The following PLEKHG2 variants were observed in gnomAD, a reference collection of about 807,000 sequenced individuals.
PLEKHG2 encodes pleckstrin homology domain-containing family G member 2.
PLEKHG2 carries 71 observed loss-of-function variants against 104.4 expected under a neutral mutation model. The observed-to-expected ratio is 0.68, with a 90% confidence interval of 0.56 to 0.83. PLEKHG2 has a LOEUF of 0.83. Ranked by LOEUF, PLEKHG2 falls within the 40% of genes least tolerant of loss-of-function variation. The pLI is 0.00. For synonymous variants in PLEKHG2, 728 were observed against 737.0 expected, an observed-to-expected ratio of 0.99 and a Z score of 0.20; for missense variants, 1,730 against 1,809.4, an observed-to-expected ratio of 0.96 and a Z score of 0.80.
chr19:39,420,584 C>CG, intron 11 of PLEKHG2, 42 bp from the exon 12 acceptor site: 7 of 1,613,816 alleles, frequency 4.3e-6, no homozygotes, highest in Non-Finnish European at 5.9e-6. Flanking sequence ...CTGTGGTACT[C>CG]CAAGATCGAC....
At chr19:39,418,654 C>A in intron 9 of PLEKHG2, 80 bp from the exon 10 acceptor site, 1 of 1,145,626 alleles carries the variant, frequency 8.7e-7, no homozygotes, top group Non-Finnish European at 1.3e-6. Flanking sequence ...GACCCAGATA[C>A]ACCTCCAAGG....
chr19:39,424,719 C>A lies in PLEKHG2; in HGVS notation c.3586C>A (p.Pro1196Thr), dbSNP rs1469510981. 3 of 1,614,082 alleles carry A rather than the reference C, an allele frequency of 1.9e-6. No individual in the cohort carries two copies. Reference protein sequence around the residue: ...LTDTQVQKLTPSLEQKSLIDA... With the variant: ...LTDTQVQKLTTSLEQKSLIDA... Reference sequence around the variant, plus strand: ...AGATACACAGGTCCAAAAACTCACACCTTCGTTGGAGCAGAAGAGCCTCAT... The same window carrying A: ...AGATACACAGGTCCAAAAACTCACAACTTCGTTGGAGCAGAAGAGCCTCAT... Residue 1196 changes from proline (P) to threonine (T), a missense_variant, in exon 19 of 19, where the codon CCT becomes ACT. By Grantham distance (38) the Pro-to-Thr change is conservative. Coordinates refer to ENST00000425673, the MANE Select transcript of PLEKHG2 (RefSeq NM_022835.3).
rs540027705 is a variant in PLEKHG2, at chr19:39,422,181, C to A, written c.1570C>A (p.Pro524Thr). 5.6e-6 allele frequency: 9 copies of A among 1,613,942 alleles called. No individual in the cohort carries two copies. Among genetic ancestry groups the A allele is most frequent in the Middle Eastern group, 1.6e-4 (1 of 6,062 alleles). ...GCCACCAGTTTCAGGCTCTGCACCC[C>A]CTGAGGACCTGGAGGATGCTGGACC... ...SQPPVSGSAP[P>T]EDLEDAGPPT... Residue 524 changes from proline to threonine, a missense_variant, in exon 17 of 19, where the codon CCT (proline) becomes ACT (threonine). Coordinates refer to ENST00000425673, the MANE Select transcript of PLEKHG2 (RefSeq NM_022835.3).
Position 39,425,117 on chromosome 19 carries a change from C to T in PLEKHG2, c.3984C>T (p.Pro1328=), listed in dbSNP as rs749121708. 1.1e-5 allele frequency: 17 copies of T among 1,587,612 alleles called. No homozygotes were observed. Among genetic ancestry groups the T allele is most frequent in the African/African-American group, 5.4e-5 (4 of 74,024 alleles). ...SPPPQPQPPP[P]PARRLSYATT... ...CCCCCCAGCCCCAGCCACCACCTCC[C>T]CCAGCCAGGCGGCTCAGCTATGCCA... Residue 1328 remains proline, a synonymous_variant, in exon 19 of 19, where the codon CCC becomes CCT. Transcript: ENST00000425673.
In PLEKHG2 at chr19:39,417,942, AG is replaced by A; in HGVS notation, c.921del (p.Glu307AspfsTer59). 1.3e-6 allele frequency: 2 copies of A among 1,543,582 alleles called. No homozygotes were observed. Among genetic ancestry groups the A allele is most frequent in the Non-Finnish European group, 1.7e-6 (2 of 1,145,628 alleles). The stretch of plus-strand genomic sequence containing the variant: ...CGGCTGGGTGGCTGGACCGGACCAG[AG>A]CTCAGTGCTTTTGGGGAACTGGTGT... ...QRRLGGWTGP[E>X]LSAFGELVLE... is the part of the protein sequence containing the mutation. On this transcript the variant is annotated frameshift_variant, in exon 9 of 19. Transcript: ENST00000425673. LOFTEE classifies it high-confidence loss of function.
In PLEKHG2 at chr19:39,415,014, C is replaced by A; in HGVS notation, c.132C>A (p.Ala44=). The A allele has an allele frequency of 6.3e-7, 1 of 1,597,010 alleles. No individual in the cohort carries two copies. The highest frequency in any genetic ancestry group is 2.3e-5 in the East Asian group (1 of 44,190). The change falls in exon 3 of 19, where the codon GCC becomes GCA. Residue 44 remains alanine (A), a synonymous_variant. Coordinates refer to ENST00000425673, the MANE Select transcript of PLEKHG2 (RefSeq NM_022835.3). The surrounding 1 kb of genome is among the most constrained non-coding windows in gnomAD (Gnocchi z 4.6). ...CAGCTCCTGCAGCCCCCACCATGGC[C>A]TCCCCCCGAGGTTCTGGGAGCTCCA... ...TRTAPAAPTM[A]SPRGSGSSTS...
Position 39,425,143 on chromosome 19 carries a change from C to G in PLEKHG2, c.4010C>G (p.Thr1337Arg), listed in dbSNP as rs965020007. 6.3e-6 allele frequency: 10 copies of G among 1,590,194 alleles called. No individual in the cohort carries two copies. Among genetic ancestry groups the G allele is most frequent in the African/African-American group, 1.4e-5 (1 of 73,992 alleles). Residue 1337 changes from threonine to arginine, a missense_variant, in exon 19 of 19, where the codon ACG becomes AGG. Coordinates refer to ENST00000425673, the MANE Select transcript of PLEKHG2 (RefSeq NM_022835.3). ...PPPARRLSYA[T>R]TVNIHVGGGG... ...CCAGCCAGGCGGCTCAGCTATGCCA[C>G]GACGGTTAACATCCACGTGGGCGGG...
Position 39,417,004 on chromosome 19 carries a change from A to C in PLEKHG2, c.744+4A>C. The C allele has an allele frequency of 6.3e-7, 1 of 1,595,884 alleles. No individual in the cohort carries two copies. The highest frequency in any genetic ancestry group is 8.6e-7 in the Non-Finnish European group (1 of 1,168,660). Reference sequence around the variant, plus strand: ...CAAGTACCATCTGCTGCTGCAGGTCAGCTGGGGCCCCTGGAGCCAGGCTGG... The same window carrying C: ...CAAGTACCATCTGCTGCTGCAGGTCCGCTGGGGCCCCTGGAGCCAGGCTGG... On this transcript the variant is annotated splice_donor_region_variant and intron_variant, in intron 7 of 18. Transcript: ENST00000425673.
At position 39,422,890 on chromosome 19, in the gene PLEKHG2, C is replaced by G. The variant is rs1035444387; in HGVS notation, c.1836C>G (p.Leu612=). The change falls in exon 18 of 19, where the codon CTC becomes CTG. Residue 612 remains leucine (L), a synonymous_variant. Transcript: ENST00000425673. The part of the protein sequence containing the change: ...LEMDERGPSP[L]HVLEGLESSI... Reference sequence around the variant, plus strand: ...TGGATGAACGGGGGCCTTCCCCACTCCACGTCCTGGAAGGGCTCGAAAGTT... The same window carrying G: ...TGGATGAACGGGGGCCTTCCCCACTGCACGTCCTGGAAGGGCTCGAAAGTT... 7.5e-6 allele frequency: 12 copies of G among 1,593,358 alleles called. No homozygotes were observed. Among genetic ancestry groups the G allele is most frequent in the Non-Finnish European group, 8.6e-6 (10 of 1,168,244 alleles).
Position 39,416,466 on chromosome 19 carries a change from G to C in PLEKHG2, c.546+52G>C, listed in dbSNP as rs997195043. On this transcript the variant is annotated intron_variant, in intron 5 of 18. Transcript: ENST00000425673. The surrounding 1 kb of genome is among the most constrained non-coding windows in gnomAD (Gnocchi z 4.5). ...GTCCTGGATGGGGCCTTTGTAGAGGGGGGAGAGCAGGCTTGGGCTAGGCTG... is the reference window on the plus strand; with the variant it reads ...GTCCTGGATGGGGCCTTTGTAGAGGCGGGAGAGCAGGCTTGGGCTAGGCTG... 1.2e-6 allele frequency: 2 copies of C among 1,610,720 alleles called. No homozygotes were observed. The highest frequency in any genetic ancestry group is 1.3e-5 in the African/African-American group (1 of 74,892).
Position 39,416,302 on chromosome 19 carries a change from GGGT to G in PLEKHG2, c.480-45_480-43del. On this transcript the variant is annotated intron_variant, in intron 4 of 18. Coordinates refer to ENST00000425673, the MANE Select transcript of PLEKHG2 (RefSeq NM_022835.3). The surrounding 1 kb of genome is among the most constrained non-coding windows in gnomAD (Gnocchi z 4.5). ...AGCCTCCTGGAGGCCTCCCATGGAGGGGTCGTGAAGGCAGGCGGTTCCTCACCC... is the reference window on the plus strand; with the variant it reads ...AGCCTCCTGGAGGCCTCCCATGGAGGCGTGAAGGCAGGCGGTTCCTCACCC... 6.2e-7 allele frequency: 1 copy of G among 1,601,236 alleles called. No individual in the cohort carries two copies. The highest frequency in any genetic ancestry group is 8.5e-7 in the Non-Finnish European group (1 of 1,170,758).
Position 39,427,550 on chromosome 19 carries a change from G to C in PLEKHG2, c.*2256G>C, listed in dbSNP as rs1454666460. The C allele has an allele frequency of 6.6e-6, 1 of 150,978 alleles. No homozygotes were observed. Among genetic ancestry groups the C allele is most frequent in the East Asian group, 2.0e-4 (1 of 5,098 alleles). The allele number at this position is 150,978 out of a possible 1,614,324, so 9.4% of individuals were successfully genotyped here. A position where few individuals can be genotyped will look rare whatever the true frequency, so the allele number is the denominator to read the frequency against. The stretch of plus-strand genomic sequence containing the variant: ...ATATTGGCCAGGCCATAGTGGTCTT[G>C]GACTCCTGACCTCAGGTGATCCGCC... On this transcript the variant is annotated 3_prime_UTR_variant, in exon 19 of 19. Transcript: ENST00000425673.
Position 39,416,490 on chromosome 19 carries a change from T to A in PLEKHG2, c.547-61T>A. The A allele has an allele frequency of 6.4e-7, 1 of 1,564,168 alleles. No homozygotes were observed. The highest frequency in any genetic ancestry group is 8.8e-7 in the Non-Finnish European group (1 of 1,139,394). The stretch of plus-strand genomic sequence containing the variant: ...GGGGGAGAGCAGGCTTGGGCTAGGC[T>A]GGAAGGGGGGTCGTGGGAAGCCAGG... On this transcript the variant is annotated intron_variant, in intron 5 of 18. Coordinates refer to ENST00000425673, the MANE Select transcript of PLEKHG2 (RefSeq NM_022835.3). This position sits in a 1 kb window ranked among gnomAD's most constrained non-coding sequence, Gnocchi z 4.5.
In PLEKHG2 at chr19:39,422,231, C is replaced by G. The variant is rs2078709881; in HGVS notation, c.1620C>G (p.Thr540=). 1.9e-6 allele frequency: 3 copies of G among 1,613,880 alleles called. No individual in the cohort carries two copies. The East Asian group carries it at 6.7e-5, about 36-fold the overall frequency. The stretch of plus-strand genomic sequence containing the variant: ...CCCCAACACTGGACCCCTCTGGGAC[C>G]TCAATCACTGAAGAAATCCTGGAAC... ...AGPPTLDPSG[T]SITEEILELL... The change falls in exon 17 of 19, where the codon ACC becomes ACG. Residue 540 remains threonine, a synonymous_variant. Transcript: ENST00000425673.
At position 39,424,738 on chromosome 19, in the gene PLEKHG2, G is replaced by A; in HGVS notation, c.3605G>A (p.Ser1202Asn). Residue 1202 changes from serine to asparagine, a missense_variant, in exon 19 of 19, where the codon AGC (serine) becomes AAC (asparagine). Physicochemically the swap from Ser to Asn is conservative, Grantham distance 46. Coordinates refer to ENST00000425673, the MANE Select transcript of PLEKHG2 (RefSeq NM_022835.3). ...CTCACACCTTCGTTGGAGCAGAAGA[G>A]CCTCATAGATGCCCATGTTCCAGCT... ...QKLTPSLEQK[S>N]LIDAHVPAAT... is the part of the protein sequence containing the mutation. The A allele has an allele frequency of 1.2e-6, 2 of 1,614,192 alleles. No individual in the cohort carries two copies. The highest frequency in any genetic ancestry group is 2.2e-5 in the East Asian group (1 of 44,888).
chr19:39,420,118 G>A (rs535348957), intron 11 of PLEKHG2, among the ~76,000 whole-genome samples: 9 of 152,200 alleles, frequency 5.9e-5, no homozygotes, highest in African/African-American at 9.6e-5. Flanking sequence ...CCAGCACTTC[G>A]GGAGGCCAAG....
chr19:39,413,444 T>C lies in PLEKHG2; in HGVS notation c.-23+32T>C, dbSNP rs1195734119. 1.6e-5 allele frequency: 2 copies of C among 123,408 alleles called. No individual in the cohort carries two copies. The highest frequency in any genetic ancestry group is 3.1e-5 in the African/African-American group (1 of 32,208). The allele number at this position is 123,408 out of a possible 1,614,324, so 7.6% of individuals were successfully genotyped here. A position where few individuals can be genotyped will look rare whatever the true frequency, so the allele number is the denominator to read the frequency against. On this transcript the variant is annotated intron_variant, in intron 1 of 18. Transcript: ENST00000425673. This position sits in a 1 kb window ranked among gnomAD's most constrained non-coding sequence, Gnocchi z 4.5. ...GGGGAGGCGAGGGGCCCAGGCGGAC[T>C]GGGGGAGGGGGCGGCGCCACTGCTG...
chr19:39,422,752 C>T lies in PLEKHG2; in HGVS notation c.1698C>T (p.Pro566=). 6.6e-7 allele frequency: 1 copy of T among 1,522,396 alleles called. No individual in the cohort carries two copies. 94.3% of individuals were successfully genotyped at this position (1,522,396 alleles called of 1,614,324 possible). A position where few individuals can be genotyped will look rare whatever the true frequency, so the allele number is the denominator to read the frequency against. Residue 566 remains proline (P), a synonymous_variant, in exon 18 of 19, where the codon CCC becomes CCT. Transcript: ENST00000425673. ...RDPGPSTHDI[P]KFPGDSQVPG... ...TATAGCCGTCCACCCATGACATTCC[C>T]AAGTTCCCCGGAGACTCCCAGGTGC...
chr19:39,424,499 G>A lies in PLEKHG2; in HGVS notation c.3366G>A (p.Arg1122=). 1 of 1,614,052 alleles carries A rather than the reference G, an allele frequency of 6.2e-7. No individual in the cohort carries two copies. The highest frequency in any genetic ancestry group is 1.1e-5 in the South Asian group (1 of 91,074). ...CACATGGAAGCCACCTGGACCATCG[G>A]ATCCCAGCCAACGCCCCACTGTCTT... is the stretch of plus-strand genomic sequence containing the variant. ...LPAHGSHLDH[R]IPANAPLSLS... is the part of the protein sequence containing the mutation. The change falls in exon 19 of 19, where the codon CGG becomes CGA. Residue 1122 remains arginine (R), a synonymous_variant. Transcript: ENST00000425673.
Sources: allele counts gnomAD v4.1 joint callset (sites outside exome capture counted in the v4.1 genomes callset), GRCh38; gene constraint gnomAD v4.1.1; non-coding constraint Gnocchi (gnomAD v3.1); transcripts MANE v1.5; gene names NCBI Gene and HGNC (gene_info 2026-07-23, HGNC 2026-07-21).